The following RBPMS variants were observed in gnomAD, a reference collection of about 807,000 sequenced individuals.
The protein encoded by RBPMS is RNA binding protein, mRNA processing factor.
Under a neutral mutation model 26.8 loss-of-function variants are expected in RBPMS, and 7 were observed. The observed-to-expected ratio is 0.26, with a 90% CI of 0.15 to 0.49. The LOEUF (loss-of-function observed/expected upper bound fraction) is 0.49. Ranked by LOEUF, RBPMS falls within the 20% of genes least tolerant of loss-of-function variation. The probability of loss-of-function intolerance (pLI) is 0.98; values close to 1 mark genes in which losing one functional copy is unlikely to be tolerated. For synonymous variants in RBPMS, 96 were observed against 93.3 expected (o/e 1.03, Z -0.17); for missense variants, 186 against 250.0 (o/e 0.74, Z 1.73).
At chr8:30,392,134 C>T (rs141168084) in intron 1 of RBPMS, among the ~76,000 whole-genome samples, 29 of 151,978 alleles carry the variant, frequency 1.9e-4, no homozygotes, top group African/African-American at 6.3e-4. Flanking sequence ...TAACCACGCC[C>T]GAGGTTAAAG....
At chr8:30,493,646 C>T (rs960516069) in intron 4 of RBPMS, among the ~76,000 whole-genome samples, 1 of 152,116 alleles carries the variant, frequency 6.6e-6, no homozygotes, top group Admixed American at 6.5e-5. Context: ...CAAAGTGTCA[C>T]TGTAAAATAT....
intron 1 of RBPMS, among the ~76,000 whole-genome samples, chr8:30,451,175 C>G (rs1814540108): frequency 6.6e-6 from 1 of 152,176 alleles, no homozygotes; most frequent in Admixed American, 6.5e-5. Context: ...GACTACAACA[C>G]ATTTCACTGC....
At chr8:30,532,912 C>T (rs1396049251) in intron 5 of RBPMS, among the ~76,000 whole-genome samples, 1 of 152,130 alleles carries the variant, frequency 6.6e-6, no homozygotes, top group Non-Finnish European at 1.5e-5. Context: ...ACAGGAATTA[C>T]CTGTAGATAA....
intron 6 of RBPMS, among the ~76,000 whole-genome samples, chr8:30,551,823 C>A (rs533889296): frequency 6.6e-6 from 1 of 152,278 alleles, no homozygotes; most frequent in South Asian, 2.1e-4. Flanking sequence ...ATTTGGGATC[C>A]TAGGCAAGTT....
chr8:30,544,806 C>T, intron 6 of RBPMS, 182 bp downstream of exon 6: 1 of 1,558,680 alleles, frequency 6.4e-7, no homozygotes, highest in Non-Finnish European at 8.6e-7. Flanking sequence ...CGTCTGACAG[C>T]AATGATATCA....
Position 30,385,316 on chromosome 8 carries a change from G to C in RBPMS, c.66+158G>C, listed in dbSNP as rs1806897993. 6 of 473,236 alleles carry C rather than the reference G, an allele frequency of 1.3e-5. No individual in the cohort carries two copies. In the Admixed American group the frequency reaches 2.3e-4, roughly 18 times the overall value. 29.3% of individuals were successfully genotyped at this position (473,236 alleles called of 1,614,324 possible). A position where few individuals can be genotyped will look rare whatever the true frequency, so the allele number is the denominator to read the frequency against. ...GTGGCCCGGGGAGGGTGGATCTCGG[G>C]AGCGTGTGTTTTTGTGTCCACGCGC... On this transcript the variant is annotated intron_variant, in intron 1 of 8. Transcript: ENST00000397323.
intron 1 of RBPMS, chr8:30,444,608 T>A (rs1259617155): frequency 6.6e-6 from 1 of 152,228 alleles, no homozygotes; most frequent in African/African-American, 2.4e-5. Flanking sequence ...TGGTTTAAAG[T>A]GGATGTAGTG....
chr8:30,549,877 G>GTCTC (rs1439740698), intron 6 of RBPMS, among the ~76,000 whole-genome samples: 8 of 143,402 alleles, frequency 5.6e-5, no homozygotes, highest in Admixed American at 2.9e-4. Flanking sequence ...CTGAGGCAGA[G>GTCTC]TCTCGCTCTG....
chr8:30,450,839 T>C (rs1814499174), intron 1 of RBPMS, among the ~76,000 whole-genome samples: 1 of 142,742 alleles, frequency 7.0e-6, no homozygotes, highest in African/African-American at 2.6e-5. Flanking sequence ...AAGGAAGGAC[T>C]TTCATTTAAA....
chr8:30,443,072 A>G (rs936329249), intron 1 of RBPMS, among the ~76,000 whole-genome samples: 48 of 152,212 alleles, frequency 3.2e-4, no homozygotes, highest in African/African-American at 1.1e-3. Context: ...TCGTCCACAC[A>G]GTTGGCAGTG....
At chr8:30,390,012 T>C (rs1235072424) in intron 1 of RBPMS, among the ~76,000 whole-genome samples, 1 of 152,128 alleles carries the variant, frequency 6.6e-6, no homozygotes, top group African/African-American at 2.4e-5. Context: ...TAATATTAAA[T>C]GAAAAGAACT....
chr8:30,474,144 G>T (rs1481367914), intron 1 of RBPMS, among the ~76,000 whole-genome samples: 1 of 152,092 alleles, frequency 6.6e-6, no homozygotes, highest in South Asian at 2.1e-4. Context: ...AGTGAGGTTG[G>T]CCCTGCTGTT....
intron 1 of RBPMS, among the ~76,000 whole-genome samples, chr8:30,457,416 G>C (rs150716824): frequency 3.5e-4 from 53 of 152,172 alleles, no homozygotes; most frequent in Middle Eastern, 3.4e-3. Context: ...TGGAAATTCA[G>C]TATTAATAAT....
intron 5 of RBPMS, among the ~76,000 whole-genome samples, chr8:30,536,206 C>T (rs1824783165): frequency 6.6e-6 from 1 of 151,608 alleles, no homozygotes; most frequent in African/African-American, 2.4e-5. Flanking sequence ...CGGCTCACCG[C>T]AACCTCCGCC....
intron 6 of RBPMS, among the ~76,000 whole-genome samples, chr8:30,548,435 C>CT (rs1410578610): frequency 1.3e-5 from 2 of 152,170 alleles, no homozygotes; most frequent in Non-Finnish European, 2.9e-5. Flanking sequence ...GTAAGTAGGA[C>CT]TGAGAGAGAA....
intron 1 of RBPMS, among the ~76,000 whole-genome samples, chr8:30,468,186 C>G (rs972414249): frequency 6.6e-6 from 1 of 152,098 alleles, no homozygotes. Context: ...CAAAAAACTT[C>G]AAGTATGAAT....
At chr8:30,522,060 A>G (rs564415447) in intron 5 of RBPMS, among the ~76,000 whole-genome samples, 2 of 152,190 alleles carry the variant, frequency 1.3e-5, no homozygotes, top group Admixed American at 1.3e-4. Context: ...AAGTGTTCTT[A>G]TCAGAAAAAC....
rs58763494 is a variant in RBPMS, at chr8:30,518,687, CTTTTTT to C, written c.397+14274_397+14279del. ...CAGTGATCCGCCCGGCCAAGCATGA[CTTTTTT>C]TTTTTTTTTTTTTTTTTTTTTTCTG... On this transcript the variant is annotated intron_variant, in intron 5 of 8. Transcript: ENST00000397323. Among the ~76,000 whole-genome samples the C allele has an allele frequency of 5.6e-3, 103 of 18,240 alleles. 1 individual carries two copies. Among genetic ancestry groups the C allele is most frequent in the South Asian group, 0.038 (7 of 186 alleles). The allele number at this position is 18,240 out of a possible 152,430, so 12.0% of individuals were successfully genotyped here.
At chr8:30,438,569 T>C (rs73581290) in intron 1 of RBPMS, among the ~76,000 whole-genome samples, 1 of 152,348 alleles carries the variant, frequency 6.6e-6, no homozygotes, top group African/African-American at 2.4e-5. Context: ...CTTTGTGTGA[T>C]CACTGTCTTT....
Sources: gnomAD v4.1 joint callset for allele counts (sites outside exome capture counted in the v4.1 genomes callset) on GRCh38, gnomAD v4.1.1 for gene constraint, MANE v1.5 for transcripts, NCBI Gene and HGNC (gene_info 2026-07-23, HGNC 2026-07-21) for gene names.